Variants in ERC2 observed in about 807,000 individuals in gnomAD.
The protein encoded by ERC2 is ELKS/RAB6-interacting/CAST family member 2, also known as ERC protein 2.
A neutral mutation model predicts 114.8 loss-of-function variants in ERC2; 42 were observed. The ratio of observed to expected loss-of-function variants is 0.37; its 90% confidence interval spans 0.29 to 0.47. The LOEUF (loss-of-function observed/expected upper bound fraction) is 0.47. Among genes scored for constraint, ERC2 ranks in the 20% least tolerant of loss-of-function variants. The pLI is 0.99. For missense variants in ERC2, 939 were observed against 1,150.7 expected, an observed-to-expected ratio of 0.82 and a Z score of 2.66; for synonymous variants, 454 against 425.5, an observed-to-expected ratio of 1.07 and a Z score of -0.82.
chr3:55,822,391 G>A (rs1449172465), intron 14 of ERC2, among the ~76,000 whole-genome samples: 1 of 151,748 alleles, frequency 6.6e-6, no homozygotes, highest in Non-Finnish European at 1.5e-5. Flanking sequence ...AGTCCTTTAG[G>A]GCTAAGACCT....
At chr3:56,410,680 G>T (rs2060908954) in intron 2 of ERC2, among the ~76,000 whole-genome samples, 2 of 152,222 alleles carry the variant, frequency 1.3e-5, no homozygotes, top group East Asian at 1.9e-4. Flanking sequence ...TTGAGATAGG[G>T]TCTCCCTCTG....
At chr3:55,684,466 G>A (rs2148780466) in intron 16 of ERC2, among the ~76,000 whole-genome samples, 1 of 152,324 alleles carries the variant, frequency 6.6e-6, no homozygotes, top group African/African-American at 2.4e-5. Flanking sequence ...CAGCATGAAA[G>A]AGGATGCACT....
intron 3 of ERC2, among the ~76,000 whole-genome samples, chr3:56,202,920 T>C (rs1268647587): frequency 2.0e-5 from 3 of 152,198 alleles, no homozygotes; most frequent in African/African-American, 7.2e-5. Context: ...AGGTGATGAA[T>C]ATGGTAAGCT....
At chr3:56,328,599 A>G (rs1167954145) in intron 2 of ERC2, among the ~76,000 whole-genome samples, 1 of 152,212 alleles carries the variant, frequency 6.6e-6, no homozygotes, top group Admixed American at 6.5e-5. Context: ...TGAAAGGGGA[A>G]GGTAGCATAA....
intron 2 of ERC2, among the ~76,000 whole-genome samples, chr3:56,423,997 G>A (rs1310187981): frequency 6.6e-6 from 1 of 152,186 alleles, no homozygotes; most frequent in Non-Finnish European, 1.5e-5. Context: ...ACTAATTATA[G>A]AAACTGAAAT....
At position 55,510,221 on chromosome 3, in the gene ERC2, G is replaced by C. The variant is rs1258837315; in HGVS notation, c.*1095C>G. ...CTCATTCATCAATGTTTTCATGTTT[G>C]ATGCTGAAAATGCTTTGGAATCCAT... On this transcript the variant is annotated 3_prime_UTR_variant, in exon 18 of 18. Coordinates refer to ENST00000288221, the MANE Select transcript of ERC2 (RefSeq NM_015576.3). The C allele has an allele frequency of 6.6e-6, 1 of 151,118 alleles. No homozygotes were observed. The highest frequency in any genetic ancestry group is 1.5e-5 in the Non-Finnish European group (1 of 67,876). The allele number at this position is 151,118 out of a possible 1,614,324, so 9.4% of individuals were successfully genotyped here.
intron 2 of ERC2, among the ~76,000 whole-genome samples, chr3:56,314,917 G>C (rs1405342416): frequency 1.3e-5 from 2 of 152,164 alleles, no homozygotes; most frequent in Non-Finnish European, 2.9e-5. Context: ...CCATGTACCA[G>C]TCTTATTTGG....
chr3:56,285,615 G>C (rs192946367), intron 3 of ERC2, among the ~76,000 whole-genome samples: 2 of 152,298 alleles, frequency 1.3e-5, no homozygotes, highest in Admixed American at 1.3e-4. Flanking sequence ...AGGAAGAAGG[G>C]CAGAGAGTGA....
rs565195493 is a variant in ERC2, at chr3:55,746,675, T to C, written c.2565-11757A>G. On this transcript the variant is annotated intron_variant, in intron 14 of 17. Coordinates refer to ENST00000288221, the MANE Select transcript of ERC2 (RefSeq NM_015576.3). ...AAGGAGAAGGAAACACAGGGTGGCA[T>C]GTCTGTGTGTGCTGCAGGTGATGGT... 2.0e-5 allele frequency among the ~76,000 whole-genome samples: 3 copies of C among 152,350 alleles called. No individual in the cohort carries two copies. In the South Asian group the frequency reaches 6.2e-4, roughly 32 times the overall value.
intron 17 of ERC2, among the ~76,000 whole-genome samples, chr3:55,614,382 G>C (rs1036371984): frequency 1.3e-5 from 2 of 152,084 alleles, no homozygotes; most frequent in Admixed American, 6.5e-5. Flanking sequence ...AGGAAAAAAG[G>C]CATTTGGTAG....
chr3:55,598,980 T>C (rs1309567484), intron 17 of ERC2, among the ~76,000 whole-genome samples: 2 of 152,194 alleles, frequency 1.3e-5, no homozygotes, highest in Non-Finnish European at 2.9e-5. Flanking sequence ...AGATTTTCCC[T>C]TGGATTGGCA....
chr3:56,298,571 A>G (rs369632954), intron 2 of ERC2, among the ~76,000 whole-genome samples: 13 of 152,254 alleles, frequency 8.5e-5, no homozygotes, highest in Admixed American at 6.5e-4. Flanking sequence ...GATAAGATGG[A>G]TAAATCTGAA....
chr3:55,529,962 GA>G (rs2053567429), intron 17 of ERC2, among the ~76,000 whole-genome samples: 1 of 152,144 alleles, frequency 6.6e-6, no homozygotes, highest in African/African-American at 2.4e-5. Flanking sequence ...CCATTTTCAA[GA>G]TTAGGTCATT....
At chr3:56,433,101 C>T (rs1334543583) in intron 2 of ERC2, among the ~76,000 whole-genome samples, 1 of 151,250 alleles carries the variant, frequency 6.6e-6, no homozygotes, top group African/African-American at 2.4e-5. Context: ...ATCATTTGAG[C>T]CGGGAAGTCA....
At chr3:56,147,108 A>T (rs1225122202) in intron 5 of ERC2, among the ~76,000 whole-genome samples, 1 of 152,196 alleles carries the variant, frequency 6.6e-6, no homozygotes, top group Admixed American at 6.5e-5. Context: ...GGAAAAGTTT[A>T]AGCCAAAACA....
At chr3:55,987,893 C>T (rs1350974506) in intron 11 of ERC2, among the ~76,000 whole-genome samples, 2 of 152,138 alleles carry the variant, frequency 1.3e-5, no homozygotes, top group Non-Finnish European at 2.9e-5. Context: ...GCCTCCTCTC[C>T]GCATTGGGGA....
At chr3:56,216,479 T>G (rs1169910695) in intron 3 of ERC2, among the ~76,000 whole-genome samples, 1 of 151,996 alleles carries the variant, frequency 6.6e-6, no homozygotes, top group South Asian at 2.1e-4. Context: ...AATAACAGGC[T>G]CTGAAATTGA....
At chr3:55,916,934 T>C (rs2065130384) in intron 13 of ERC2, among the ~76,000 whole-genome samples, 1 of 152,158 alleles carries the variant, frequency 6.6e-6, no homozygotes, top group Non-Finnish European at 1.5e-5. Context: ...GTAAACAGTT[T>C]AATTAATCAA....
intron 2 of ERC2, among the ~76,000 whole-genome samples, chr3:56,377,934 AAT>A: frequency 6.6e-6 from 1 of 152,276 alleles, no homozygotes; most frequent in African/African-American, 2.4e-5. Context: ...CCCAAAATGC[AAT>A]CAATTAAGTG....
Sources: gnomAD v4.1 joint callset for allele counts (sites outside exome capture counted in the v4.1 genomes callset) on GRCh38, gnomAD v4.1.1 for gene constraint, MANE v1.5 for transcripts, NCBI Gene and HGNC (gene_info 2026-07-23, HGNC 2026-07-21) for gene names.